The following TDP1 variants were observed in gnomAD, a reference collection of about 807,000 sequenced individuals.
TDP1 encodes tyrosyl-DNA phosphodiesterase 1, also known as tyr-DNA phosphodiesterase 1.
A neutral mutation model predicts 81.5 loss-of-function variants in TDP1; 64 were observed. The observed-to-expected ratio is 0.79, with a 90% CI of 0.64 to 0.97. The LOEUF (loss-of-function observed/expected upper bound fraction) is 0.97. TDP1 is among the 50% of genes least tolerant of loss of function. TDP1 has a pLI of 0.00. For synonymous variants in TDP1, 256 were observed against 264.3 expected, an observed-to-expected ratio of 0.97 and a Z score of 0.30; for missense variants, 723 against 743.8, an observed-to-expected ratio of 0.97 and a Z score of 0.33.
chr14:89,979,806 A>T (rs1465578928), intron 7 of TDP1, among the ~76,000 whole-genome samples: 1 of 152,044 alleles, frequency 6.6e-6, no homozygotes, highest in Non-Finnish European at 1.5e-5. Context: ...CCTCTCTCTC[A>T]CTGCAATTAA....
intron 14 of TDP1, among the ~76,000 whole-genome samples, chr14:90,013,538 C>T (rs533292485): frequency 8.5e-5 from 13 of 152,332 alleles, no homozygotes; most frequent in South Asian, 6.2e-4. Context: ...AGGCCTCCCC[C>T]GCCATGTGCA....
rs555416281 is a variant in TDP1, at chr14:89,965,873, T to A, written c.560-274T>A. ...GAATATGTATCATTATTGTCCATATTGAGTTTCTAAACTTGATCAATCATT... is the reference window on the plus strand; with the variant it reads ...GAATATGTATCATTATTGTCCATATAGAGTTTCTAAACTTGATCAATCATT... On this transcript the variant is annotated intron_variant, in intron 3 of 16. Transcript: ENST00000335725. 1,651 of 984,988 alleles carry A rather than the reference T, an allele frequency of 1.7e-3. 4 individuals are homozygous for A. The highest frequency in any genetic ancestry group is 1.9e-3 in the Non-Finnish European group (1,577 of 829,506). 61.0% of individuals were successfully genotyped at this position (984,988 alleles called of 1,614,324 possible).
At chr14:89,968,008 G>A (rs1374616191) in intron 5 of TDP1, among the ~76,000 whole-genome samples, 1 of 152,142 alleles carries the variant, frequency 6.6e-6, no homozygotes, top group Non-Finnish European at 1.5e-5. Flanking sequence ...TCCCATAACA[G>A]CAAGTAGGAT....
intron 14 of TDP1, among the ~76,000 whole-genome samples, chr14:90,002,651 C>G (rs938033917): frequency 8.6e-5 from 13 of 151,214 alleles, no homozygotes; most frequent in Non-Finnish European, 1.8e-4. Flanking sequence ...GATCGGATCA[C>G]TTGCGCTCAG....
At position 89,971,245 on chromosome 14, in the gene TDP1, C is replaced by G. The variant is rs1893609942; in HGVS notation, c.730C>G (p.Pro244Ala). 2.5e-6 allele frequency: 4 copies of G among 1,614,080 alleles called. No individual in the cohort carries two copies. Among genetic ancestry groups the G allele is most frequent in the South Asian group, 1.1e-5 (1 of 91,088 alleles). Residue 244 changes from proline (P) to alanine (A), a missense_variant, in exon 6 of 17, where the codon CCT becomes GCT. By Grantham distance (27) the Pro-to-Ala change is conservative (BLOSUM62 -1). Transcript: ENST00000335725. ...AKAHLHAQAKPYENISLCQAK... is the reference protein window; with the variant it reads ...AKAHLHAQAKAYENISLCQAK... ...GGCTCACCTCCATGCCCAGGCCAAGCCTTACGAGAACATCTCTCTCTGCCA... is the reference window on the plus strand; with the variant it reads ...GGCTCACCTCCATGCCCAGGCCAAGGCTTACGAGAACATCTCTCTCTGCCA...
At chr14:89,970,696 G>T (rs930015326) in intron 5 of TDP1, 1 of 346,668 alleles carries the variant, frequency 2.9e-6, no homozygotes, top group Non-Finnish European at 4.1e-6. Context: ...TCTGGTAAAT[G>T]AACATTAGCT....
At chr14:90,019,492 C>A in intron 15 of TDP1, 74 bp downstream of exon 15, 2 of 844,720 alleles carry the variant, frequency 2.4e-6, no homozygotes, top group South Asian at 1.4e-5. Flanking sequence ...TTCCTTTAGT[C>A]ACAACAGCTT....
Position 90,044,721 on chromosome 14 carries a change from T to A in TDP1, c.*1578T>A, listed in dbSNP as rs746095428. The A allele has an allele frequency of 5.9e-5, 9 of 152,212 alleles. No homozygotes were observed. The highest frequency in any genetic ancestry group is 1.3e-4 in the Non-Finnish European group (9 of 68,038). The allele number at this position is 152,212 out of a possible 1,614,324, so 9.4% of individuals were successfully genotyped here. On this transcript the variant is annotated 3_prime_UTR_variant, in exon 17 of 17. Coordinates refer to ENST00000335725, the MANE Select transcript of TDP1 (RefSeq NM_018319.4). ...ATTATCTGGGGTGTTGTATGTATTT[T>A]TGTGTGTTCTGCTTTTTTTAAATAA...
At chr14:90,032,849 T>G (rs2140321305) in intron 15 of TDP1, 1 of 985,180 alleles carries the variant, frequency 1.0e-6, no homozygotes, top group South Asian at 4.7e-5. Flanking sequence ...CTTGTTTCTT[T>G]GTATCCTTTG....
Position 89,989,752 on chromosome 14 carries a change from A to G in TDP1, c.1353A>G (p.Leu451=), listed in dbSNP as rs1410800559. The G allele has an allele frequency of 8.1e-6, 13 of 1,610,498 alleles. No individual in the cohort carries two copies. Among genetic ancestry groups the G allele is most frequent in the Admixed American group, 1.7e-5 (1 of 59,992 alleles). The stretch of plus-strand genomic sequence containing the variant: ...CTGTGGAAAATGTGCGGACCAGTTT[A>G]GAAGGATATCCTGGTAATTCTTGGG... ...YPSVENVRTS[L]EGYPAGGSLP... Residue 451 remains leucine (L), a synonymous_variant, in exon 12 of 17, where the codon TTA becomes TTG. Coordinates refer to ENST00000335725, the MANE Select transcript of TDP1 (RefSeq NM_018319.4).
At chr14:90,028,713 A>G (rs1321829483) in intron 15 of TDP1, among the ~76,000 whole-genome samples, 10 of 152,194 alleles carry the variant, frequency 6.6e-5, no homozygotes, top group Admixed American at 6.5e-4. Context: ...AATAACCTAG[A>G]ATTTGGATCA....
chr14:90,003,729 G>A (rs1897383532), intron 14 of TDP1, among the ~76,000 whole-genome samples: 1 of 152,204 alleles, frequency 6.6e-6, no homozygotes, highest in African/African-American at 2.4e-5. Flanking sequence ...AGGCAATGCG[G>A]ATAGTCAGGG....
intron 14 of TDP1, among the ~76,000 whole-genome samples, chr14:90,008,996 A>C (rs1471685512): frequency 6.6e-6 from 1 of 152,264 alleles, no homozygotes; most frequent in Non-Finnish European, 1.5e-5. Context: ...GGCATGAGCT[A>C]CCATGTCCAG....
intron 14 of TDP1, among the ~76,000 whole-genome samples, chr14:90,011,101 C>A (rs1410615863): frequency 6.6e-6 from 1 of 152,184 alleles, no homozygotes; most frequent in Non-Finnish European, 1.5e-5. Context: ...AGCAGTTTCT[C>A]TGCACACACA....
At chr14:89,981,178 C>G (rs548685980) in intron 8 of TDP1, among the ~76,000 whole-genome samples, 1 of 152,190 alleles carries the variant, frequency 6.6e-6, no homozygotes, top group African/African-American at 2.4e-5. Flanking sequence ...TTTCCCCACT[C>G]CCCCAGTTGG....
At chr14:90,014,488 G>A (rs972631515) in intron 14 of TDP1, among the ~76,000 whole-genome samples, 6 of 152,192 alleles carry the variant, frequency 3.9e-5, no homozygotes, top group African/African-American at 1.4e-4. Context: ...CGTCAGTACA[G>A]CTGCTTGGTC....
chr14:89,972,780 G>A (rs1274499959), intron 6 of TDP1, among the ~76,000 whole-genome samples: 1 of 152,160 alleles, frequency 6.6e-6, no homozygotes, highest in Non-Finnish European at 1.5e-5. Flanking sequence ...TCTTTTGGCT[G>A]TATTCGTTTG....
At chr14:90,010,432 T>C (rs989897645) in intron 14 of TDP1, among the ~76,000 whole-genome samples, 10 of 152,242 alleles carry the variant, frequency 6.6e-5, no homozygotes, top group African/African-American at 2.4e-4. Flanking sequence ...TCAGGGGCTG[T>C]GACTGTTAAA....
At chr14:90,024,605 T>C (rs551555049) in intron 15 of TDP1, among the ~76,000 whole-genome samples, 1 of 152,242 alleles carries the variant, frequency 6.6e-6, no homozygotes, top group Non-Finnish European at 1.5e-5. Context: ...TGCTTAAATA[T>C]GTTCACAAAC....
Sources: gnomAD v4.1 joint callset for allele counts (sites outside exome capture counted in the v4.1 genomes callset) on GRCh38, gnomAD v4.1.1 for gene constraint, MANE v1.5 for transcripts, NCBI Gene and HGNC (gene_info 2026-07-23, HGNC 2026-07-21) for gene names.